DNAH12: variants seen among roughly 807,000 people sequenced by gnomAD.
The protein encoded by DNAH12 is dynein axonemal heavy chain 12.
Under a neutral mutation model 371.5 loss-of-function variants are expected in DNAH12, and 285 were observed. The ratio of observed to expected loss-of-function variants is 0.77; its 90% CI spans 0.70 to 0.85. The LOEUF is 0.85. Ranked by LOEUF, DNAH12 falls within the 40% of genes least tolerant of loss-of-function variation. The probability of loss-of-function intolerance (pLI) is 0.00; values close to 1 mark genes in which losing one functional copy is unlikely to be tolerated. For synonymous variants in DNAH12, 1,200 were observed against 1,213.0 expected (o/e 0.99, Z 0.22); for missense variants, 3,611 against 3,689.4 (o/e 0.98, Z 0.55).
At chr3:57,493,377 A>G (rs1451628609) in intron 11 of DNAH12, among the ~76,000 whole-genome samples, 1 of 152,186 alleles carries the variant, frequency 6.6e-6, no homozygotes, top group Non-Finnish European at 1.5e-5. Context: ...TAATCTAGAG[A>G]TAGTTTAAAG....
At chr3:57,501,673 A>T (rs1457088621) in intron 10 of DNAH12, among the ~76,000 whole-genome samples, 1 of 152,212 alleles carries the variant, frequency 6.6e-6, no homozygotes, top group African/African-American at 2.4e-5. Flanking sequence ...AATTAATAGA[A>T]GATATTGGTT....
At position 57,405,724 on chromosome 3, in the gene DNAH12, T is replaced by C. The variant is rs1553680933; in HGVS notation, c.6505A>G (p.Thr2169Ala). ...DRRWLFQLTK[T>A]VIKDHFKESF... is the part of the protein sequence containing the mutation. ...TCTTTAAAATGGTCCTTTATAACAG[T>C]TTTAGTTAACTGGAACAGCCATCTT... Residue 2169 changes from threonine to alanine, a missense_variant, in exon 41 of 74, where the codon ACT becomes GCT. Around this residue, in one of 3 missense-constraint regions of DNAH12, gnomAD observed 2,266 missense variants for 2,236.9 expected, o/e 1.01. Coordinates refer to ENST00000495027, the MANE Select transcript of DNAH12 (RefSeq NM_001366028.2). 1 of 1,551,646 alleles carries C rather than the reference T, an allele frequency of 6.4e-7. No homozygotes were observed. The highest frequency in any genetic ancestry group is 2.0e-5 in the Admixed American group (1 of 50,998).
intron 2 of DNAH12, among the ~76,000 whole-genome samples, chr3:57,528,326 C>A (rs1302660870): frequency 6.6e-6 from 1 of 151,464 alleles, no homozygotes; most frequent in Non-Finnish European, 1.5e-5. Context: ...CTGCACCCGG[C>A]CTAGGATTGT....
chr3:57,514,222 C>T (rs1251070673), intron 4 of DNAH12, among the ~76,000 whole-genome samples: 2 of 151,786 alleles, frequency 1.3e-5, no homozygotes, highest in Non-Finnish European at 2.9e-5. Context: ...GGTGAAACCC[C>T]GTCTCTACTA....
rs934793104 is a variant in DNAH12 at position 57,474,304 on chromosome 3, A to T, written c.1651-1633T>A. ...ATATATAAAAATATTAAAGTTAAAAATTTTTTTTTGAGACAGAGTTTCACT... is the reference window on the plus strand; with the variant it reads ...ATATATAAAAATATTAAAGTTAAAATTTTTTTTTTGAGACAGAGTTTCACT... On this transcript the variant is annotated intron_variant, in intron 13 of 73. Transcript: ENST00000495027. Among the ~76,000 whole-genome samples the T allele has an allele frequency of 4.0e-5, 6 of 151,666 alleles. No individual in the cohort carries two copies. In the East Asian group the frequency reaches 7.7e-4, roughly 20 times the overall value.
chr3:57,499,733 G>A (rs1190948593), intron 11 of DNAH12, among the ~76,000 whole-genome samples: 18 of 140,816 alleles, frequency 1.3e-4, no homozygotes, highest in African/African-American at 4.5e-4. Context: ...CAGCTACTCG[G>A]GAGGCTGAAG....
chr3:57,316,703 A>G (rs1181100308), intron 65 of DNAH12, among the ~76,000 whole-genome samples: 2 of 152,146 alleles, frequency 1.3e-5, no homozygotes, highest in Non-Finnish European at 2.9e-5. Context: ...TTTCCCCCAT[A>G]CTGTTCTTGT....
intron 62 of DNAH12, among the ~76,000 whole-genome samples, chr3:57,327,543 G>A (rs1313082354): frequency 6.6e-6 from 1 of 152,056 alleles, no homozygotes; most frequent in Non-Finnish European, 1.5e-5. Flanking sequence ...CAGAATCTCT[G>A]GGACACATTC....
intron 43 of DNAH12, chr3:57,402,508 T>C (rs958187359): frequency 6.3e-6 from 7 of 1,104,334 alleles, no homozygotes; most frequent in Admixed American, 4.9e-5. Context: ...TTAAATCTGC[T>C]AGAAACCATT....
rs947609974 is a variant in DNAH12, at chr3:57,520,015, GCGC to G, written c.279+3565_279+3567del. 8.6e-5 allele frequency: 66 copies of G among 769,274 alleles called. No homozygotes were observed. The African/African-American group carries it at 1.1e-3, about 13-fold the overall frequency. The allele number at this position is 769,274 out of a possible 1,614,324, so 47.7% of individuals were successfully genotyped here. On this transcript the variant is annotated intron_variant, in intron 4 of 73. Transcript: ENST00000495027. ...GCCGTCTTCCACGTCGGCCATGGTAGCGCCGCGGAGCCGATGGCCGACGTTGGG... is the reference window on the plus strand; with the variant it reads ...GCCGTCTTCCACGTCGGCCATGGTAGCGCGGAGCCGATGGCCGACGTTGGG...
intron 60 of DNAH12, among the ~76,000 whole-genome samples, chr3:57,350,619 AAG>A (rs2062650367): frequency 6.6e-6 from 1 of 152,214 alleles, no homozygotes; most frequent in African/African-American, 2.4e-5. Context: ...GGGCTGTGAA[AAG>A]AGTTTTCACA....
chr3:57,461,509 G>GT lies in DNAH12; in HGVS notation c.2715dup (p.Pro906ThrfsTer3). ...CATACCTTGATCTCATGTTCAAATG[G>GT]TTTGATGAAAGGTGAGCCTCTCATT... On this transcript the variant is annotated frameshift_variant, in exon 19 of 74. Transcript: ENST00000495027. LOFTEE classifies it high-confidence loss of function. 6.4e-7 allele frequency: 1 copy of GT among 1,551,214 alleles called. No homozygotes were observed. The highest frequency in any genetic ancestry group is 1.2e-5 in the South Asian group (1 of 84,038).
chr3:57,463,744 A>T (rs1051370568), intron 17 of DNAH12, among the ~76,000 whole-genome samples: 1 of 152,112 alleles, frequency 6.6e-6, no homozygotes. Context: ...TGAAGTTTTA[A>T]CATCTAAAAA....
At chr3:57,443,531 T>C (rs1261312859) in intron 29 of DNAH12, among the ~76,000 whole-genome samples, 2 of 152,176 alleles carry the variant, frequency 1.3e-5, no homozygotes, top group Admixed American at 6.5e-5. Flanking sequence ...ATGCGAGTGG[T>C]TTGTGTCTTA....
At chr3:57,373,045 T>C (rs1236632749) in intron 55 of DNAH12, among the ~76,000 whole-genome samples, 2 of 152,090 alleles carry the variant, frequency 1.3e-5, no homozygotes, top group Admixed American at 6.6e-5. Context: ...TAAATAAAAT[T>C]ACCTTTCATC....
At chr3:57,398,160 C>G (rs1322683770) in intron 43 of DNAH12, among the ~76,000 whole-genome samples, 2 of 151,922 alleles carry the variant, frequency 1.3e-5, no homozygotes, top group Non-Finnish European at 2.9e-5. Context: ...TACAGGGGTT[C>G]AACATTAGAC....
At position 57,453,284 on chromosome 3, in the gene DNAH12, G is replaced by C; in HGVS notation, c.3576C>G (p.Val1192=). 1.3e-6 allele frequency: 2 copies of C among 1,544,276 alleles called. No individual in the cohort carries two copies. The highest frequency in any genetic ancestry group is 1.2e-5 in the South Asian group (1 of 81,624). The part of the protein sequence containing the change: ...TTLGALVTID[V]HARDVVMDMI... ...TGTCCATGACCACATCTCTAGCATGGACATCAATAGTAACCAAAGCCCCCA... is the reference window on the plus strand; with the variant it reads ...TGTCCATGACCACATCTCTAGCATGCACATCAATAGTAACCAAAGCCCCCA... The change falls in exon 24 of 74, where the codon GTC becomes GTG. Residue 1192 remains valine (V), a synonymous_variant. Coordinates refer to ENST00000495027, the MANE Select transcript of DNAH12 (RefSeq NM_001366028.2).
chr3:57,391,415 G>T (rs2063620557), intron 45 of DNAH12, among the ~76,000 whole-genome samples: 1 of 152,142 alleles, frequency 6.6e-6, no homozygotes, highest in South Asian at 2.1e-4. Flanking sequence ...CCTTCAGACT[G>T]GAACTACATC....
chr3:57,487,251 C>T (rs1422418689), intron 12 of DNAH12, among the ~76,000 whole-genome samples: 1 of 126,628 alleles, frequency 7.9e-6, no homozygotes, highest in African/African-American at 3.0e-5. Context: ...GCCTAGGCAA[C>T]ATGGCAAGAC....
Sources: gnomAD v4.1 joint callset for allele counts (sites outside exome capture counted in the v4.1 genomes callset) on GRCh38, gnomAD v4.1.1 for gene constraint, gnomAD v4.1.1 regional missense constraint, MANE v1.5 for transcripts, NCBI Gene and HGNC (gene_info 2026-07-23, HGNC 2026-07-21) for gene names.